The following NAALADL2 variants were observed in gnomAD, a reference collection of about 807,000 sequenced individuals.
NAALADL2 encodes the protein N-acetylated alpha-linked acidic dipeptidase like 2, also known as inactive N-acetylated-alpha-linked acidic dipeptidase-like protein 2.
Under a neutral mutation model 87.2 loss-of-function variants are expected in NAALADL2, and 76 were observed. The observed-to-expected ratio is 0.87, with a 90% CI of 0.72 to 1.05. The LOEUF (loss-of-function observed/expected upper bound fraction) is 1.05. Ranked by LOEUF, NAALADL2 falls within the 50% of genes least tolerant of loss-of-function variation. NAALADL2 has a pLI of 0.00. For missense variants in NAALADL2, 1,089 were observed against 945.8 expected (o/e 1.15, Z -1.99); for synonymous variants, 354 against 331.0 (o/e 1.07, Z -0.75).
At chr3:175,404,348 C>T (rs773233758) in intron 5 of NAALADL2, among the ~76,000 whole-genome samples, 2 of 152,050 alleles carry the variant, frequency 1.3e-5, no homozygotes, top group East Asian at 3.9e-4. Flanking sequence ...TGATTTTCTG[C>T]CTACAGAATA....
At chr3:175,276,592 C>T (rs892925360) in intron 4 of NAALADL2, among the ~76,000 whole-genome samples, 3 of 152,102 alleles carry the variant, frequency 2.0e-5, no homozygotes, top group African/African-American at 7.2e-5. Context: ...CGTGAGCCAC[C>T]ACACCCAGCC....
intron 2 of NAALADL2, among the ~76,000 whole-genome samples, chr3:174,656,430 A>G (rs532680393): frequency 9.8e-5 from 15 of 152,308 alleles, no homozygotes; most frequent in African/African-American, 3.4e-4. Context: ...AAAGAAGCTT[A>G]TTTCCAGCAA....
chr3:175,370,093 CA>C (rs1481406399), intron 5 of NAALADL2, among the ~76,000 whole-genome samples: 1 of 152,014 alleles, frequency 6.6e-6, no homozygotes, highest in Non-Finnish European at 1.5e-5. Context: ...AGCCTTACTA[CA>C]AAGGATAAAA....
In NAALADL2 at chr3:175,570,772, C is replaced by T. The variant is rs538683948; in HGVS notation, c.1654-5269C>T. On this transcript the variant is annotated intron_variant, in intron 9 of 13. Coordinates refer to ENST00000454872, the MANE Select transcript of NAALADL2 (RefSeq NM_207015.3). ...GCGGGCGCCTGTAGTCCCAGCTACT[C>T]GGGAGACTGAGGCAGGAGAATGGCG... is the stretch of plus-strand genomic sequence containing the variant. Among the ~76,000 whole-genome samples, 63 of 150,428 alleles carry T rather than the reference C, an allele frequency of 4.2e-4. 1 individual carries two copies. Among genetic ancestry groups the T allele is most frequent in the African/African-American group, 1.5e-3 (60 of 40,834 alleles).
intron 10 of NAALADL2, among the ~76,000 whole-genome samples, chr3:175,605,844 T>G (rs1446621101): frequency 6.6e-6 from 1 of 152,164 alleles, no homozygotes; most frequent in Non-Finnish European, 1.5e-5. Flanking sequence ...ATTATTGGAC[T>G]ACAAATTGCA....
chr3:175,573,761 G>A (rs75795468), intron 9 of NAALADL2, among the ~76,000 whole-genome samples: 1 of 152,174 alleles, frequency 6.6e-6, no homozygotes, highest in Non-Finnish European at 1.5e-5. Context: ...GTGTCAGAAA[G>A]TGAAAAAGGA....
At chr3:174,695,832 A>G (rs531849938) in intron 2 of NAALADL2, among the ~76,000 whole-genome samples, 15 of 152,106 alleles carry the variant, frequency 9.9e-5, no homozygotes, top group African/African-American at 3.1e-4. Flanking sequence ...AATATGCCCA[A>G]TATCATCCAA....
At chr3:175,539,491 A>G (rs1711913366) in intron 9 of NAALADL2, among the ~76,000 whole-genome samples, 1 of 152,052 alleles carries the variant, frequency 6.6e-6, no homozygotes, top group Non-Finnish European at 1.5e-5. Context: ...TTGATTTTTT[A>G]TTTTATTTTA....
intron 3 of NAALADL2, among the ~76,000 whole-genome samples, chr3:174,850,422 G>T (rs547718092): frequency 1.3e-5 from 2 of 152,066 alleles, no homozygotes; most frequent in South Asian, 2.1e-4. Flanking sequence ...AAAATGAAGG[G>T]ATAGAAAATA....
At chr3:175,448,753 G>A (rs2149227383) in intron 6 of NAALADL2, among the ~76,000 whole-genome samples, 1 of 152,124 alleles carries the variant, frequency 6.6e-6, no homozygotes, top group South Asian at 2.1e-4. Flanking sequence ...CTGTCATCAG[G>A]GCTAGAGTGC....
At chr3:174,789,979 T>C (rs1391782264) in intron 3 of NAALADL2, among the ~76,000 whole-genome samples, 1 of 152,154 alleles carries the variant, frequency 6.6e-6, no homozygotes, top group Non-Finnish European at 1.5e-5. Context: ...ATCTTTGACA[T>C]CTCTCTGTAG....
chr3:175,125,428 C>A (rs1726797612), intron 2 of NAALADL2, among the ~76,000 whole-genome samples: 1 of 151,840 alleles, frequency 6.6e-6, no homozygotes, highest in Non-Finnish European at 1.5e-5. Context: ...GAACAGGGAG[C>A]CCTATTGCAC....
At chr3:175,216,664 T>TTTTC (rs1363814864) in intron 2 of NAALADL2, among the ~76,000 whole-genome samples, 1 of 111,974 alleles carries the variant, frequency 8.9e-6, no homozygotes, top group Non-Finnish European at 1.8e-5. Context: ...TTTTTTTTTC[T>TTTTC]TTTCTTTTTT....
intron 3 of NAALADL2, among the ~76,000 whole-genome samples, chr3:174,785,383 A>G (rs1206081909): frequency 2.0e-5 from 3 of 152,174 alleles, no homozygotes; most frequent in Admixed American, 6.5e-5. Flanking sequence ...TCCCAGCACC[A>G]TTTATTAAAT....
At chr3:175,125,600 T>C (rs1381522243) in intron 2 of NAALADL2, among the ~76,000 whole-genome samples, 1 of 152,062 alleles carries the variant, frequency 6.6e-6, no homozygotes, top group African/African-American at 2.4e-5. Flanking sequence ...AGAATACTTT[T>C]ACATTTTTTG....
intron 6 of NAALADL2, among the ~76,000 whole-genome samples, chr3:175,448,507 A>G (rs1721042469): frequency 6.6e-6 from 1 of 152,136 alleles, no homozygotes; most frequent in African/African-American, 2.4e-5. Context: ...AGAGCCCCCA[A>G]TACATTCCAG....
chr3:174,731,822 G>A (rs990518781), intron 2 of NAALADL2, among the ~76,000 whole-genome samples: 45 of 152,168 alleles, frequency 3.0e-4, no homozygotes, highest in African/African-American at 1.1e-3. Flanking sequence ...ATGCTTAAGA[G>A]TGTGAGTAGG....
At chr3:174,699,613 A>T in intron 2 of NAALADL2, among the ~76,000 whole-genome samples, 1 of 152,176 alleles carries the variant, frequency 6.6e-6, no homozygotes, top group Admixed American at 6.5e-5. Context: ...AATTTTTGAT[A>T]ACAAAATGTT....
intron 2 of NAALADL2, among the ~76,000 whole-genome samples, chr3:175,182,159 A>T (rs946723684): frequency 6.6e-6 from 1 of 151,838 alleles, no homozygotes; most frequent in Non-Finnish European, 1.5e-5. Context: ...GATATTGAGA[A>T]TTTTTTCACT....
Sources: gnomAD v4.1 joint callset for allele counts (sites outside exome capture counted in the v4.1 genomes callset) on GRCh38, gnomAD v4.1.1 for gene constraint, MANE v1.5 for transcripts, NCBI Gene and HGNC (gene_info 2026-07-23, HGNC 2026-07-21) for gene names.